The following ACOXL variants were observed in gnomAD, a reference collection of about 807,000 sequenced individuals.
ACOXL encodes the protein acyl-CoA oxidase like.
A neutral mutation model predicts 71.9 loss-of-function variants in ACOXL; 70 were observed. The observed-to-expected ratio is 0.97, with a 90% CI of 0.80 to 1.19. The LOEUF is 1.19. Among genes scored for constraint, ACOXL ranks in the 50% most tolerant of loss-of-function variants. ACOXL has a pLI of 0.00. For synonymous variants in ACOXL, 253 were observed against 281.6 expected (o/e 0.90, Z 1.02); for missense variants, 703 against 736.3 (o/e 0.95, Z 0.52).
chr2:110,848,335 C>G (rs1472954617), intron 10 of ACOXL, among the ~76,000 whole-genome samples: 1 of 152,108 alleles, frequency 6.6e-6, no homozygotes, highest in Admixed American at 6.5e-5. Flanking sequence ...AGGCTCCAAC[C>G]AGATATACAC....
chr2:110,846,648 C>CACACAT (rs1691900839), intron 10 of ACOXL, among the ~76,000 whole-genome samples: 1 of 149,524 alleles, frequency 6.7e-6, no homozygotes, highest in African/African-American at 2.5e-5. Context: ...CACGCACACA[C>CACACAT]ACACACACAC....
At chr2:110,940,511 C>G (rs1295582567) in intron 12 of ACOXL, among the ~76,000 whole-genome samples, 2 of 152,168 alleles carry the variant, frequency 1.3e-5, no homozygotes, top group Admixed American at 1.3e-4. Flanking sequence ...CCAAATGTCT[C>G]CTGAGCATTG....
At chr2:110,896,779 TAG>T (rs2059025635) in intron 10 of ACOXL, among the ~76,000 whole-genome samples, 2 of 152,182 alleles carry the variant, frequency 1.3e-5, no homozygotes, top group Non-Finnish European at 2.9e-5. Flanking sequence ...TCTACAGTTG[TAG>T]TAGGAGACTT....
In ACOXL at chr2:110,963,747, T is replaced by C; in HGVS notation, c.1060-23361T>C. On this transcript the variant is annotated intron_variant, in intron 12 of 17. Coordinates refer to ENST00000439055, the MANE Select transcript of ACOXL (RefSeq NM_001142807.4). ...CGGGAAATGTTTTCAAGATCAAGAG[T>C]TATCCAGAAGTCTGAAGTGTTTCAT... The C allele has an allele frequency of 2.5e-6, 4 of 1,612,120 alleles. No homozygotes were observed. The South Asian group carries it at 3.3e-5, about 13-fold the overall frequency.
intron 1 of ACOXL, among the ~76,000 whole-genome samples, chr2:110,735,602 T>C (rs1676736246): frequency 6.6e-6 from 1 of 152,204 alleles, no homozygotes; most frequent in Non-Finnish European, 1.5e-5. Context: ...AGGGGCAATG[T>C]AGGCACAGCC....
intron 12 of ACOXL, among the ~76,000 whole-genome samples, chr2:110,961,943 C>T (rs1440208493): frequency 1.3e-5 from 2 of 152,222 alleles, no homozygotes; most frequent in Non-Finnish European, 2.9e-5. Flanking sequence ...CACTGGGTCC[C>T]TCCCATGACA....
At chr2:110,952,220 A>G (rs1463087540) in intron 12 of ACOXL, among the ~76,000 whole-genome samples, 1 of 152,074 alleles carries the variant, frequency 6.6e-6, no homozygotes, top group African/African-American at 2.4e-5. Flanking sequence ...TTATTTTCCT[A>G]GTAATTTGTT....
intron 11 of ACOXL, among the ~76,000 whole-genome samples, chr2:110,916,652 TAGAC>T (rs1442837233): frequency 6.6e-6 from 1 of 151,728 alleles, no homozygotes; most frequent in African/African-American, 2.4e-5. Context: ...ACAAAATAGA[TAGAC>T]AGCTAGCCAG....
intron 9 of ACOXL, among the ~76,000 whole-genome samples, chr2:110,835,305 ACAT>A (rs1690315170): frequency 6.6e-6 from 1 of 152,082 alleles, no homozygotes; most frequent in East Asian, 1.9e-4. Context: ...AGGAATGGTA[ACAT>A]CATAAAGTAA....
intron 12 of ACOXL, among the ~76,000 whole-genome samples, chr2:110,941,298 C>T (rs1030106960): frequency 6.6e-6 from 1 of 152,144 alleles, no homozygotes; most frequent in African/African-American, 2.4e-5. Flanking sequence ...GACTTCTGAT[C>T]AAGATGCAGC....
chr2:111,040,161 G>T (rs956415272), intron 15 of ACOXL, among the ~76,000 whole-genome samples: 4 of 152,206 alleles, frequency 2.6e-5, no homozygotes, highest in African/African-American at 9.6e-5. Context: ...AGCTGCTCAG[G>T]ACCTGTGGCA....
intron 11 of ACOXL, among the ~76,000 whole-genome samples, chr2:110,915,417 TATATA>T (rs2059815081): frequency 1.5e-5 from 2 of 132,676 alleles, no homozygotes; most frequent in African/African-American, 5.9e-5. Flanking sequence ...CATATATATA[TATATA>T]TATATATTTT....
At chr2:110,850,878 A>G (rs1692516765) in intron 10 of ACOXL, among the ~76,000 whole-genome samples, 2 of 152,340 alleles carry the variant, frequency 1.3e-5, no homozygotes, top group South Asian at 4.1e-4. Context: ...TGGCTTCTCC[A>G]TTCATAATAG....
intron 10 of ACOXL, among the ~76,000 whole-genome samples, chr2:110,869,327 G>A (rs1244223122): frequency 6.6e-6 from 1 of 152,206 alleles, no homozygotes; most frequent in African/African-American, 2.4e-5. Context: ...GTTTAGGCAT[G>A]TATCAGAGCC....
chr2:111,016,391 A>C (rs2064438471), intron 14 of ACOXL: 1 of 152,176 alleles, frequency 6.6e-6, no homozygotes. Flanking sequence ...CTGGAGCTTT[A>C]AACTTAAGAC....
chr2:110,914,318 A>G (rs1170695065), intron 11 of ACOXL, among the ~76,000 whole-genome samples: 1 of 152,328 alleles, frequency 6.6e-6, no homozygotes, highest in South Asian at 2.1e-4. Flanking sequence ...TCTATAAAGC[A>G]ATTTGGGCAG....
chr2:111,034,471 A>T (rs1285214899), intron 15 of ACOXL, among the ~76,000 whole-genome samples: 1 of 152,248 alleles, frequency 6.6e-6, no homozygotes, highest in African/African-American at 2.4e-5. Context: ...AATAAATCCA[A>T]ATCAACCCTG....
At chr2:111,094,391 G>A (rs2068697935) in intron 17 of ACOXL, 1 of 152,176 alleles carries the variant, frequency 6.6e-6, no homozygotes, top group Non-Finnish European at 1.5e-5. Context: ...GAATACCATA[G>A]ACTGGGTAAT....
chr2:110,989,554 C>T (rs2063083515), intron 13 of ACOXL, among the ~76,000 whole-genome samples: 1 of 152,042 alleles, frequency 6.6e-6, no homozygotes, highest in Admixed American at 6.5e-5. Context: ...ACATGACATA[C>T]CTAGAGTAGT....
Sources: allele counts gnomAD v4.1 joint callset (sites outside exome capture counted in the v4.1 genomes callset), GRCh38; gene constraint gnomAD v4.1.1; transcripts MANE v1.5; gene names NCBI Gene and HGNC (gene_info 2026-07-23, HGNC 2026-07-21).